Variants in AGBL1 observed in about 807,000 individuals in gnomAD.
AGBL1 encodes cytosolic carboxypeptidase 4.
AGBL1 carries 130 observed loss-of-function variants against 118.9 expected under a neutral mutation model. The ratio of observed to expected loss-of-function variants is 1.09; its 90% CI spans 0.95 to 1.26. The LOEUF is 1.26. Among genes scored for constraint, AGBL1 ranks in the 50% most tolerant of loss-of-function variants. The pLI is 0.00. For missense variants in AGBL1, 1,584 were observed against 1,298.1 expected, an observed-to-expected ratio of 1.22 and a Z score of -3.38; for synonymous variants, 555 against 478.9, an observed-to-expected ratio of 1.16 and a Z score of -2.08.
chr15:86,405,459 G>A (rs1441290765), intron 18 of AGBL1, among the ~76,000 whole-genome samples: 2 of 152,000 alleles, frequency 1.3e-5, no homozygotes, highest in African/African-American at 4.8e-5. Flanking sequence ...GAGCTTGCAA[G>A]TGAGCCAAGA....
chr15:86,925,146 G>C (rs867206656), intron 23 of AGBL1, among the ~76,000 whole-genome samples: 1 of 22,678 alleles, frequency 4.4e-5, no homozygotes, highest in Admixed American at 4.4e-4. Context: ...AAGAGGAAGA[G>C]GAGGAGGAGG....
chr15:86,531,911 C>T (rs1385447510), intron 19 of AGBL1, among the ~76,000 whole-genome samples: 2 of 149,830 alleles, frequency 1.3e-5, no homozygotes, highest in African/African-American at 4.9e-5. Context: ...AATTCAACAA[C>T]CCTTCATGCT....
At chr15:86,730,706 AAAAT>A (rs992892402) in intron 22 of AGBL1, among the ~76,000 whole-genome samples, 53 of 152,360 alleles carry the variant, frequency 3.5e-4, no homozygotes, top group African/African-American at 1.2e-3. Context: ...TGCTTGGAAA[AAAAT>A]AAGAATGCAT....
Position 86,350,537 on chromosome 15 carries a change from G to A in AGBL1, c.2375-46829G>A, listed in dbSNP as rs563751941. Reference sequence around the variant, plus strand: ...CCGCCTTTGCTGTTCCGTATACATAGGCTGTTTTTCTCTAGTAGCAGTAGT... The same window carrying A: ...CCGCCTTTGCTGTTCCGTATACATAAGCTGTTTTTCTCTAGTAGCAGTAGT... On this transcript the variant is annotated intron_variant, in intron 17 of 22. Coordinates refer to ENST00000614907, the MANE Select transcript of AGBL1 (RefSeq NM_001386094.1). Among the ~76,000 whole-genome samples, 12 of 152,298 alleles carry A rather than the reference G, an allele frequency of 7.9e-5. No individual in the cohort carries two copies. In the South Asian group the frequency reaches 1.9e-3, roughly 24 times the overall value.
chr15:86,822,956 G>A (rs559971778), intron 22 of AGBL1, among the ~76,000 whole-genome samples: 13 of 152,210 alleles, frequency 8.5e-5, no homozygotes, highest in Middle Eastern at 3.4e-3. Flanking sequence ...TCTTAGAGGC[G>A]TTCCTAATAT....
chr15:86,676,416 C>A (rs2142555786), intron 22 of AGBL1, among the ~76,000 whole-genome samples: 1 of 152,116 alleles, frequency 6.6e-6, no homozygotes, highest in East Asian at 1.9e-4. Flanking sequence ...ATGTTCCAGC[C>A]AATAAGCTTA....
intron 18 of AGBL1, among the ~76,000 whole-genome samples, chr15:86,410,111 A>G (rs1024375849): frequency 6.6e-6 from 1 of 152,180 alleles, no homozygotes; most frequent in African/African-American, 2.4e-5. Context: ...TTAGGGATGG[A>G]TGTGATACAT....
intron 22 of AGBL1, among the ~76,000 whole-genome samples, chr15:86,847,378 C>G (rs1036777204): frequency 2.0e-5 from 3 of 152,102 alleles, no homozygotes; most frequent in Admixed American, 6.5e-5. Context: ...TTGTGCTAAC[C>G]CTGAATTCTG....
intron 22 of AGBL1, among the ~76,000 whole-genome samples, chr15:86,762,401 C>A (rs1007938663): frequency 1.1e-4 from 16 of 151,898 alleles, no homozygotes; most frequent in African/African-American, 3.9e-4. Context: ...CTGCCCCCTG[C>A]AAAAGATGAG....
chr15:86,745,268 A>G (rs1027699488), intron 22 of AGBL1, among the ~76,000 whole-genome samples: 4 of 152,110 alleles, frequency 2.6e-5, no homozygotes, highest in African/African-American at 9.7e-5. Context: ...TGAATATATT[A>G]ACCTTGAAGA....
intron 17 of AGBL1, among the ~76,000 whole-genome samples, chr15:86,356,881 A>C (rs75140826): frequency 0.01 from 1,577 of 152,330 alleles, 32 homozygotes; most frequent in African/African-American, 0.035. Flanking sequence ...AGGGTACCAG[A>C]ATTGTCCAAC....
chr15:86,128,027 G>T (rs1051599789), intron 1 of AGBL1, among the ~76,000 whole-genome samples: 13 of 152,110 alleles, frequency 8.5e-5, no homozygotes, highest in Non-Finnish European at 1.3e-4. Context: ...GGGGGTGGTT[G>T]TTTTAGTGGG....
intron 18 of AGBL1, among the ~76,000 whole-genome samples, chr15:86,498,928 T>C (rs944193713): frequency 6.6e-6 from 1 of 151,898 alleles, no homozygotes; most frequent in African/African-American, 2.4e-5. Flanking sequence ...CATGAGGCAG[T>C]TAGCACACAC....
At chr15:86,722,221 G>A (rs146992921) in intron 22 of AGBL1, among the ~76,000 whole-genome samples, 3,415 of 152,218 alleles carry the variant, frequency 0.022, 113 homozygotes, top group African/African-American at 0.075. Context: ...CCAAAAGAAC[G>A]AAGCTGGAGG....
At chr15:86,112,436 G>C (rs1039251325) in intron 1 of AGBL1, among the ~76,000 whole-genome samples, 1 of 152,130 alleles carries the variant, frequency 6.6e-6, no homozygotes, top group Non-Finnish European at 1.5e-5. Flanking sequence ...TAATAAAAAT[G>C]TCCTACAACA....
At chr15:86,507,686 G>A (rs773252627) in intron 18 of AGBL1, among the ~76,000 whole-genome samples, 6 of 152,064 alleles carry the variant, frequency 3.9e-5, no homozygotes, top group Non-Finnish European at 7.4e-5. Flanking sequence ...AGTAAACCAT[G>A]GATATTTGGG....
intron 22 of AGBL1, among the ~76,000 whole-genome samples, chr15:86,732,484 C>G (rs2077538684): frequency 6.6e-6 from 1 of 152,028 alleles, no homozygotes; most frequent in South Asian, 2.1e-4. Flanking sequence ...AATATTCTTT[C>G]TATGCATTTC....
intron 22 of AGBL1, among the ~76,000 whole-genome samples, chr15:86,751,528 G>A (rs2077851645): frequency 6.6e-6 from 1 of 152,052 alleles, no homozygotes; most frequent in Non-Finnish European, 1.5e-5. Flanking sequence ...ACTGACAAAT[G>A]GGATCTAAAT....
chr15:86,204,236 A>G (rs1365393769), intron 5 of AGBL1, among the ~76,000 whole-genome samples: 1 of 152,136 alleles, frequency 6.6e-6, no homozygotes, highest in East Asian at 1.9e-4. Context: ...ACCTAGCACC[A>G]TATTCTCCTG....
Sources: gnomAD v4.1 joint callset for allele counts (sites outside exome capture counted in the v4.1 genomes callset) on GRCh38, gnomAD v4.1.1 for gene constraint, MANE v1.5 for transcripts, NCBI Gene and HGNC (gene_info 2026-07-23, HGNC 2026-07-21) for gene names.